Variants in HSD17B11 observed in about 807,000 individuals in gnomAD.
The protein encoded by HSD17B11 is hydroxysteroid 17-beta dehydrogenase 11, also known as estradiol 17-beta-dehydrogenase 11.
A neutral mutation model predicts 27.8 loss-of-function variants in HSD17B11; 22 were observed. The ratio of observed to expected loss-of-function variants is 0.79; its 90% CI spans 0.56 to 1.13. The LOEUF (loss-of-function observed/expected upper bound fraction) is 1.13, where lower values mean the gene tolerates loss of function less well. Among genes scored for constraint, HSD17B11 ranks in the 50% most tolerant of loss-of-function variants. The pLI, the probability that HSD17B11 is intolerant of heterozygous loss-of-function variation, is 0.00. For missense variants in HSD17B11, 314 were observed against 351.1 expected (o/e 0.89, Z 0.84); for synonymous variants, 117 against 132.8 (o/e 0.88, Z 0.82).
chr4:87,376,591 G>A (rs1735831263), intron 2 of HSD17B11, among the ~76,000 whole-genome samples: 1 of 150,614 alleles, frequency 6.6e-6, no homozygotes. Flanking sequence ...ATACATATGT[G>A]TGTTTTTCTA....
At chr4:87,367,495 T>G (rs1005649753) in intron 4 of HSD17B11, among the ~76,000 whole-genome samples, 3 of 152,170 alleles carry the variant, frequency 2.0e-5, no homozygotes, top group African/African-American at 7.2e-5. Context: ...CAGAGTTCCA[T>G]CAAAGCCAAT....
chr4:87,346,219 C>T (rs1180901026), intron 5 of HSD17B11, among the ~76,000 whole-genome samples: 5 of 152,158 alleles, frequency 3.3e-5, no homozygotes, highest in South Asian at 2.1e-4. Flanking sequence ...CATGATACAA[C>T]GTTCCTTCGT....
chr4:87,341,321 G>A (rs115343283), intron 5 of HSD17B11, among the ~76,000 whole-genome samples: 5,188 of 152,046 alleles, frequency 0.034, 323 homozygotes, highest in African/African-American at 0.12. Context: ...ACAGATGTAC[G>A]CCACCACTCC....
chr4:87,370,682 G>A (rs1035988479), intron 4 of HSD17B11, among the ~76,000 whole-genome samples: 2 of 150,144 alleles, frequency 1.3e-5, no homozygotes, highest in Non-Finnish European at 3.0e-5. Context: ...CTCCCAAAGT[G>A]CTGGGATTAC....
At position 87,357,332 on chromosome 4, in the gene HSD17B11, T is replaced by G. The variant is rs34025653; in HGVS notation, c.642A>C (p.Thr214=). ...AALQITGVKT[T]CLCPNFVNTG... ...TGTTTACGAAATTAGGACACAGACA[T>G]GTTGTTTTGACTCCAGTTATTTGTA... is the stretch of plus-strand genomic sequence containing the variant. Residue 214 remains threonine (T), a synonymous_variant, in exon 5 of 7, where the codon ACA becomes ACC. Coordinates refer to ENST00000358290, the MANE Select transcript of HSD17B11 (RefSeq NM_016245.5). 15,701 of 1,612,784 alleles carry G rather than the reference T, an allele frequency of 9.7e-3. 1,345 individuals carry two copies. In the African/African-American group the frequency reaches 0.18, roughly 19 times the overall value.
chr4:87,378,239 T>C (rs1735882775), intron 2 of HSD17B11, among the ~76,000 whole-genome samples: 2 of 152,254 alleles, frequency 1.3e-5, no homozygotes, highest in Non-Finnish European at 1.5e-5. Context: ...TATTTTATAT[T>C]ACCAAAGGAT....
In HSD17B11 at chr4:87,378,845, AATATATAT is replaced by A. The variant is rs1485945077; in HGVS notation, c.318+3402_318+3409del. 3.3e-4 allele frequency among the ~76,000 whole-genome samples: 6 copies of A among 18,130 alleles called. 1 individual carries two copies. The highest frequency in any genetic ancestry group is 9.4e-4 in the African/African-American group (3 of 3,202). 11.9% of individuals were successfully genotyped at this position (18,130 alleles called of 152,430 possible). A position where few individuals can be genotyped will look rare whatever the true frequency, so the allele number is the denominator to read the frequency against. ...ATATATATATAAATATATATATATAAATATATATATAAATATATATAAATATATATATA... is the reference window on the plus strand; with the variant it reads ...ATATATATATAAATATATATATATAAATAAATATATATAAATATATATATA... On this transcript the variant is annotated intron_variant, in intron 2 of 6. Coordinates refer to ENST00000358290, the MANE Select transcript of HSD17B11 (RefSeq NM_016245.5).
intron 1 of HSD17B11, among the ~76,000 whole-genome samples, chr4:87,384,430 A>C (rs1720252105): frequency 1.3e-5 from 2 of 152,192 alleles, no homozygotes; most frequent in Non-Finnish European, 2.9e-5. Flanking sequence ...ATAAGGTCTG[A>C]CTGCCTGTGG....
chr4:87,381,201 A>G (rs1720157882), intron 2 of HSD17B11, among the ~76,000 whole-genome samples: 1 of 150,970 alleles, frequency 6.6e-6, no homozygotes, highest in South Asian at 2.1e-4. Context: ...AAAAAAAAAA[A>G]AAAAAAGAAC....
rs575784141 is a variant in HSD17B11, at chr4:87,386,761, A to C, written c.210+4100T>G. ...ATTACTAAAAATTGAAAAACTTTTT[A>C]AATTATGCCCATTATTCTTTCAGTT... On this transcript the variant is annotated intron_variant, in intron 1 of 6. Transcript: ENST00000358290. 2.0e-5 allele frequency: 3 copies of C among 152,358 alleles called. No homozygotes were observed. In the East Asian group the frequency reaches 5.8e-4, roughly 29 times the overall value. 9.4% of individuals were successfully genotyped at this position (152,358 alleles called of 1,614,324 possible).
At chr4:87,379,647 ATATG>A (rs1159874395) in intron 2 of HSD17B11, among the ~76,000 whole-genome samples, 1 of 145,366 alleles carries the variant, frequency 6.9e-6, no homozygotes, top group Non-Finnish European at 1.5e-5. Context: ...TATTATATGT[ATATG>A]TATGTATATT....
intron 4 of HSD17B11, among the ~76,000 whole-genome samples, chr4:87,366,332 G>A (rs1735613986): frequency 6.6e-6 from 1 of 152,052 alleles, no homozygotes; most frequent in East Asian, 1.9e-4. Flanking sequence ...GGGTTATAAA[G>A]GTTTATAAAA....
At chr4:87,338,828 T>C (rs1735107772) in intron 6 of HSD17B11, among the ~76,000 whole-genome samples, 1 of 152,206 alleles carries the variant, frequency 6.6e-6, no homozygotes, top group African/African-American at 2.4e-5. Flanking sequence ...TGAGCCACCG[T>C]GCCCAGCCCT....
In HSD17B11 at chr4:87,372,618, G is replaced by A; in HGVS notation, c.557+91C>T. The A allele has an allele frequency of 6.5e-6, 5 of 775,148 alleles. No homozygotes were observed. The South Asian group carries it at 8.0e-5, about 12-fold the overall frequency. 48.0% of individuals were successfully genotyped at this position (775,148 alleles called of 1,614,324 possible). A position where few individuals can be genotyped will look rare whatever the true frequency, so the allele number is the denominator to read the frequency against. ...AACTGGAAAACTTCAAGTCTCTTAT[G>A]ATTATAAAGAGAGTTCTTATTAGAC... On this transcript the variant is annotated intron_variant, in intron 4 of 6. Transcript: ENST00000358290.
At chr4:87,363,756 AGC>A (rs1389428803) in intron 4 of HSD17B11, among the ~76,000 whole-genome samples, 1 of 152,210 alleles carries the variant, frequency 6.6e-6, no homozygotes, top group African/African-American at 2.4e-5. Flanking sequence ...CCAGACCTGT[AGC>A]TCAGTAGCTA....
At chr4:87,362,463 T>C (rs1026671300) in intron 4 of HSD17B11, among the ~76,000 whole-genome samples, 2 of 152,156 alleles carry the variant, frequency 1.3e-5, no homozygotes, top group Admixed American at 1.3e-4. Flanking sequence ...GAGGCCGAGG[T>C]TGCAGTGAGC....
chr4:87,354,648 AAATAAAAAAAAT>A (rs1735347779), intron 5 of HSD17B11, among the ~76,000 whole-genome samples: 7 of 151,292 alleles, frequency 4.6e-5, no homozygotes, highest in Admixed American at 4.6e-4. Context: ...GTCTCAAAAA[AAATAAAAAAAAT>A]AAAAAAAGGA....
chr4:87,355,426 C>T (rs75400486), intron 5 of HSD17B11, among the ~76,000 whole-genome samples: 2,184 of 151,798 alleles, frequency 0.014, 46 homozygotes, highest in African/African-American at 0.05. Flanking sequence ...TTCTAAACAC[C>T]TCACAGAACC....
chr4:87,390,824 A>G (rs1220030104), intron 1 of HSD17B11, 37 bp downstream of exon 1: 2 of 1,573,288 alleles, frequency 1.3e-6, no homozygotes, highest in Non-Finnish European at 1.7e-6. Flanking sequence ...CCACAAATTA[A>G]AGGTACCAGA....
Sources: allele counts gnomAD v4.1 joint callset (sites outside exome capture counted in the v4.1 genomes callset), GRCh38; gene constraint gnomAD v4.1.1; transcripts MANE v1.5; gene names NCBI Gene and HGNC (gene_info 2026-07-23, HGNC 2026-07-21).